The following BRD4 variants were observed in gnomAD, a reference collection of about 807,000 sequenced individuals.
The protein encoded by BRD4 is bromodomain-containing protein 4.
In BRD4, 16 loss-of-function variants were observed where a neutral mutation model predicts 142.1. The ratio of observed to expected loss-of-function variants is 0.11; its 90% CI spans 0.08 to 0.17. The LOEUF is 0.17. Ranked by LOEUF, BRD4 falls within the 10% of genes least tolerant of loss-of-function variation. BRD4 has a pLI of 1.00. For synonymous variants in BRD4, 833 were observed against 707.5 expected, an observed-to-expected ratio of 1.18 and a Z score of -2.82; for missense variants, 1,424 against 1,810.9, an observed-to-expected ratio of 0.79 and a Z score of 3.88.
At chr19:15,310,366 C>T (rs1311673319) in intron 1 of BRD4, among the ~76,000 whole-genome samples, 1 of 34,948 alleles carries the variant, frequency 2.9e-5, no homozygotes, top group Non-Finnish European at 1.0e-4. Flanking sequence ...ATTCCCCCCC[C>T]CCCCCCCCCC....
Position 15,236,295 on chromosome 19 carries a change from A to G in BRD4, c.*2082T>C, listed in dbSNP as rs1428046561. 1.3e-5 allele frequency: 2 copies of G among 152,230 alleles called. No individual in the cohort carries two copies. The highest frequency in any genetic ancestry group is 1.5e-5 in the Non-Finnish European group (1 of 68,060). The allele number at this position is 152,230 out of a possible 1,614,324, so 9.4% of individuals were successfully genotyped here. A position where few individuals can be genotyped will look rare whatever the true frequency, so the allele number is the denominator to read the frequency against. ...CGTGCCTTGTGGCTGGGGCATGTAC[A>G]TACACAAGTGGACACACAGGCAGAG... On this transcript the variant is annotated 3_prime_UTR_variant, in exon 20 of 20. Coordinates refer to ENST00000679869, the MANE Select transcript of BRD4 (RefSeq NM_001379291.1).
intron 1 of BRD4, among the ~76,000 whole-genome samples, chr19:15,329,771 A>G (rs2048141230): frequency 1.3e-5 from 2 of 152,096 alleles, no homozygotes; most frequent in South Asian, 2.1e-4. Flanking sequence ...ACAAAATTCA[A>G]TCTCTTAAAT....
At chr19:15,290,719 C>T (rs1173092267) in intron 1 of BRD4, among the ~76,000 whole-genome samples, 1 of 152,152 alleles carries the variant, frequency 6.6e-6, no homozygotes, top group Non-Finnish European at 1.5e-5. Context: ...CGCTTCTCAT[C>T]TAAGCCTGCA....
At chr19:15,293,796 C>G (rs913061692) in intron 1 of BRD4, among the ~76,000 whole-genome samples, 3 of 152,172 alleles carry the variant, frequency 2.0e-5, no homozygotes, top group Non-Finnish European at 4.4e-5. Context: ...GAAACTCTAC[C>G]CACTCAACAG....
chr19:15,245,635 G>A (rs1032020884), intron 11 of BRD4, among the ~76,000 whole-genome samples: 1 of 152,158 alleles, frequency 6.6e-6, no homozygotes, highest in Admixed American at 6.5e-5. Flanking sequence ...TTACACTAAG[G>A]GACTTTTGCC....
chr19:15,325,770 G>C (rs1331262374), intron 1 of BRD4, among the ~76,000 whole-genome samples: 1 of 151,728 alleles, frequency 6.6e-6, no homozygotes, highest in Non-Finnish European at 1.5e-5. Flanking sequence ...AGGCTGAGGC[G>C]GGCGGATCAC....
chr19:15,301,296 C>T (rs1485718792), intron 1 of BRD4, among the ~76,000 whole-genome samples: 1 of 152,230 alleles, frequency 6.6e-6, no homozygotes, highest in Non-Finnish European at 1.5e-5. Context: ...GACACGGTGG[C>T]TCACGCCTGT....
At chr19:15,296,445 G>C (rs1321627965) in intron 1 of BRD4, among the ~76,000 whole-genome samples, 1 of 152,158 alleles carries the variant, frequency 6.6e-6, no homozygotes, top group Non-Finnish European at 1.5e-5. Context: ...AGTATCTAGT[G>C]AGTGCTTCGC....
chr19:15,272,589 G>C (rs770766991), intron 2 of BRD4, among the ~76,000 whole-genome samples: 1 of 152,128 alleles, frequency 6.6e-6, no homozygotes, highest in Non-Finnish European at 1.5e-5. Flanking sequence ...ATTTTCCCCA[G>C]GATTCCAATA....
In BRD4 at chr19:15,255,355, T is replaced by A. The variant is rs768420120; in HGVS notation, c.1989A>T (p.Thr663=). 4 of 1,613,932 alleles carry A rather than the reference T, an allele frequency of 2.5e-6. No homozygotes were observed. The highest frequency in any genetic ancestry group is 3.4e-6 in the Non-Finnish European group (4 of 1,180,008). The change falls in exon 10 of 20, where the codon ACA becomes ACT. Residue 663 remains threonine (T), a synonymous_variant. Transcript: ENST00000679869. ...TGACATAGCGCTCCAGCTCACGCAG[T>A]GTGGACGGCTTCAGGGTCTCAAAGT... ...EIDFETLKPS[T]LRELERYVTS... is the part of the protein sequence containing the mutation.
intron 1 of BRD4, among the ~76,000 whole-genome samples, chr19:15,322,359 C>A (rs2048068950): frequency 6.6e-6 from 1 of 151,992 alleles, no homozygotes; most frequent in Non-Finnish European, 1.5e-5. Context: ...GCAAGCTCCG[C>A]CTCCCGGGTT....
rs572388619 is a variant in BRD4 at position 15,293,695 on chromosome 19, A to C, written c.-34-20562T>G. ...AAAATCCGCCATTTTAACCATTTTT[A>C]GGTGTACAATTCAGTGGCTTTAAGT... On this transcript the variant is annotated intron_variant, in intron 1 of 19. Coordinates refer to ENST00000679869, the MANE Select transcript of BRD4 (RefSeq NM_001379291.1). Among the ~76,000 whole-genome samples, 485 of 152,352 alleles carry C rather than the reference A, an allele frequency of 3.2e-3. 3 individuals are homozygous for C. The highest frequency in any genetic ancestry group is 7.5e-3 in the South Asian group (36 of 4,828).
chr19:15,309,991 C>G (rs1352290668), intron 1 of BRD4, among the ~76,000 whole-genome samples: 1 of 152,110 alleles, frequency 6.6e-6, no homozygotes, highest in Non-Finnish European at 1.5e-5. Flanking sequence ...GGTAAGCACC[C>G]TCGCACTTAA....
chr19:15,251,124 G>C (rs1374806080), intron 11 of BRD4, among the ~76,000 whole-genome samples: 1 of 152,150 alleles, frequency 6.6e-6, no homozygotes, highest in Non-Finnish European at 1.5e-5. Context: ...ATGGTGGCCT[G>C]GGACACAGCT....
rs2047266364 is a variant in BRD4, at chr19:15,244,428, G to A, written c.2384C>T (p.Ser795Phe). The change falls in exon 13 of 20, where the codon TCC becomes TTC. Residue 795 changes from serine (S) to phenylalanine (F), a missense_variant. Ser to Phe is a radical substitution (Grantham distance 155, BLOSUM62 -2). Coordinates refer to ENST00000679869, the MANE Select transcript of BRD4 (RefSeq NM_001379291.1). ...MPQQAAPAMKSSPPPFIATQV... is the reference protein window; with the variant it reads ...MPQQAAPAMKFSPPPFIATQV... ...GGTGGCAATGAAGGGTGGGGGCGAG[G>A]ACTTCATCGCCGGGGCTGCCTGCTG... The A allele has an allele frequency of 2.6e-6, 4 of 1,523,564 alleles. No individual in the cohort carries two copies. Among genetic ancestry groups the A allele is most frequent in the Non-Finnish European group, 3.5e-6 (4 of 1,134,510 alleles). 94.4% of individuals were successfully genotyped at this position (1,523,564 alleles called of 1,614,324 possible). A position where few individuals can be genotyped will look rare whatever the true frequency, so the allele number is the denominator to read the frequency against.
At chr19:15,280,591 G>A in intron 1 of BRD4, 1 of 311,648 alleles carries the variant, frequency 3.2e-6, no homozygotes, top group Non-Finnish European at 4.7e-6. Flanking sequence ...GGGGCAAGGG[G>A]AAGGGACACC....
At chr19:15,313,298 G>A (rs1406463425) in intron 1 of BRD4, among the ~76,000 whole-genome samples, 10 of 150,576 alleles carry the variant, frequency 6.6e-5, no homozygotes, top group Admixed American at 1.3e-4. Flanking sequence ...GTGTGAATCC[G>A]GAAGGCGGAG....
intron 1 of BRD4, among the ~76,000 whole-genome samples, chr19:15,325,002 T>C (rs1170017293): frequency 6.6e-6 from 1 of 152,218 alleles, no homozygotes; most frequent in Non-Finnish European, 1.5e-5. Context: ...CCCAGTACCA[T>C]GCCCTGGATC....
intron 1 of BRD4, among the ~76,000 whole-genome samples, chr19:15,299,867 C>T (rs553081959): frequency 5.9e-5 from 9 of 152,198 alleles, no homozygotes; most frequent in Non-Finnish European, 1.3e-4. Flanking sequence ...GAGGAAAACA[C>T]GACTTAATTG....
Sources: allele counts gnomAD v4.1 joint callset (sites outside exome capture counted in the v4.1 genomes callset), GRCh38; gene constraint gnomAD v4.1.1; transcripts MANE v1.5; gene names NCBI Gene and HGNC (gene_info 2026-07-23, HGNC 2026-07-21).